The following MAS1 variants were observed in gnomAD, a reference collection of about 807,000 sequenced individuals.
The protein encoded by MAS1 is proto-oncogene Mas.
For synonymous variants in MAS1, 163 were observed against 164.2 expected (o/e 0.99, Z 0.05); for missense variants, 387 against 409.7 (o/e 0.94, Z 0.48).
chr6:159,905,925 C>T (rs1249508086), intron 2 of MAS1, among the ~76,000 whole-genome samples: 2 of 151,970 alleles, frequency 1.3e-5, no homozygotes, highest in African/African-American at 4.8e-5. Flanking sequence ...GCCTGTAGTC[C>T]CAGCTACTCA....
At chr6:159,898,373 C>T (rs533858916) in intron 1 of MAS1, among the ~76,000 whole-genome samples, 24 of 152,208 alleles carry the variant, frequency 1.6e-4, no homozygotes, top group South Asian at 4.1e-4. Context: ...AGATCAGGCA[C>T]GCTGGGCCAC....
chr6:159,892,388 C>G (rs1029331456), intron 1 of MAS1, among the ~76,000 whole-genome samples: 3 of 152,190 alleles, frequency 2.0e-5, no homozygotes, highest in Non-Finnish European at 4.4e-5. Context: ...ACAACAGGCG[C>G]TTTCAGATGG....
rs1169776263 is a variant in MAS1, at chr6:159,910,164, GGA to G, written c.*2234_*2235del. The G allele has an allele frequency of 6.6e-6, 1 of 152,246 alleles. No individual in the cohort carries two copies. The highest frequency in any genetic ancestry group is 1.9e-4 in the East Asian group (1 of 5,202). The allele number at this position is 152,246 out of a possible 1,614,324, so 9.4% of individuals were successfully genotyped here. ...TCCGAGAATTCCTTGGGGATGGGGA[GGA>G]GATTGTTTGGATAATGCCTGTCCTA... On this transcript the variant is annotated 3_prime_UTR_variant, in exon 3 of 3. Coordinates refer to ENST00000674077, the MANE Select transcript of MAS1 (RefSeq NM_002377.4).
At position 159,914,606 on chromosome 6, in the gene MAS1, T is replaced by C. The variant is rs915709176; in HGVS notation, c.*6673T>C. On this transcript the variant is annotated 3_prime_UTR_variant, in exon 3 of 3. Transcript: ENST00000674077. ...CGAGTATACCTAGGCTCGTGGAAAATGCAGCCAGGGATTTGGACCTCCCTG... is the reference window on the plus strand; with the variant it reads ...CGAGTATACCTAGGCTCGTGGAAAACGCAGCCAGGGATTTGGACCTCCCTG... The C allele has an allele frequency of 2.0e-5, 3 of 152,322 alleles. No homozygotes were observed. Among genetic ancestry groups the C allele is most frequent in the Admixed American group, 2.0e-4 (3 of 15,306 alleles). The allele number at this position is 152,322 out of a possible 1,614,324, so 9.4% of individuals were successfully genotyped here.
At chr6:159,897,858 A>G (rs777967047) in intron 1 of MAS1, among the ~76,000 whole-genome samples, 2 of 152,276 alleles carry the variant, frequency 1.3e-5, no homozygotes, top group East Asian at 3.8e-4. Flanking sequence ...CAGAGACCAC[A>G]TAGTGGCAAA....
chr6:159,907,948 G>T lies in MAS1; in HGVS notation c.*15G>T. The T allele has an allele frequency of 6.4e-7, 1 of 1,567,448 alleles. No homozygotes were observed. The highest frequency in any genetic ancestry group is 8.6e-7 in the Non-Finnish European group (1 of 1,157,372). ...CTGTCGTCTAAGAACTGTGAGGGAA[G>T]TTGTGGATAAAAATGGTGGAACACA... On this transcript the variant is annotated 3_prime_UTR_variant, in exon 3 of 3. Transcript: ENST00000674077.
rs1782901135 is a variant in MAS1, at chr6:159,907,256, C to A, written c.301C>A (p.His101Asn). ...TTTAGATTATGAGCTTTCTTCTGGC[C>A]ATTACTACACAATTGTCACATTATC... Reference protein sequence around the residue: ...YALDYELSSGHYYTIVTLSVT... With the variant: ...YALDYELSSGNYYTIVTLSVT... Residue 101 changes from histidine to asparagine, a missense_variant, in exon 3 of 3, where the codon CAT (histidine) becomes AAT (asparagine). His to Asn is a moderately conservative substitution (Grantham distance 68). Coordinates refer to ENST00000674077, the MANE Select transcript of MAS1 (RefSeq NM_002377.4). 1 of 1,614,166 alleles carries A rather than the reference C, an allele frequency of 6.2e-7. No individual in the cohort carries two copies. Among genetic ancestry groups the A allele is most frequent in the African/African-American group, 1.3e-5 (1 of 75,032 alleles).
chr6:159,894,687 A>G (rs1782735957), intron 1 of MAS1, among the ~76,000 whole-genome samples: 1 of 152,182 alleles, frequency 6.6e-6, no homozygotes, highest in Non-Finnish European at 1.5e-5. Context: ...CTTGGCTGAG[A>G]GCGCTGCGCT....
intron 1 of MAS1, among the ~76,000 whole-genome samples, chr6:159,893,022 A>G (rs367692099): frequency 2.0e-5 from 3 of 152,330 alleles, no homozygotes; most frequent in African/African-American, 4.8e-5. Flanking sequence ...CCGTAGGCAC[A>G]AGCAGAATAG....
rs971030455 is a variant in MAS1 at position 159,910,430 on chromosome 6, A to G, written c.*2497A>G. 1.3e-5 allele frequency: 2 copies of G among 152,216 alleles called. No homozygotes were observed. The highest frequency in any genetic ancestry group is 4.1e-4 in the South Asian group (2 of 4,832). 9.4% of individuals were successfully genotyped at this position (152,216 alleles called of 1,614,324 possible). On this transcript the variant is annotated 3_prime_UTR_variant, in exon 3 of 3. Coordinates refer to ENST00000674077, the MANE Select transcript of MAS1 (RefSeq NM_002377.4). ...AGCAGGGGCTCTTCCTGCCACCCCCATATTGCATGCAGCCTCTTCTGTTCC... is the reference window on the plus strand; with the variant it reads ...AGCAGGGGCTCTTCCTGCCACCCCCGTATTGCATGCAGCCTCTTCTGTTCC...
At chr6:159,894,714 C>A (rs1206949836) in intron 1 of MAS1, among the ~76,000 whole-genome samples, 1 of 152,176 alleles carries the variant, frequency 6.6e-6, no homozygotes, top group African/African-American at 2.4e-5. Context: ...TGCACTGGCT[C>A]CTTTCTCTTA....
At position 159,908,508 on chromosome 6, in the gene MAS1, A is replaced by AACACACACAC. The variant is rs1782925469; in HGVS notation, c.*575_*576insACACACACAC. 1 of 46,250 alleles carries AACACACACAC rather than the reference A, an allele frequency of 2.2e-5. No individual in the cohort carries two copies. Among genetic ancestry groups the AACACACACAC allele is most frequent in the African/African-American group, 1.1e-4 (1 of 9,512 alleles). 2.9% of individuals were successfully genotyped at this position (46,250 alleles called of 1,614,324 possible). On this transcript the variant is annotated 3_prime_UTR_variant, in exon 3 of 3. Transcript: ENST00000674077. ...CAAGATATAAATTTTTGTTTTGTAA[A>AACACACACAC]GCACACACACACACACACACACACA...
At position 159,909,472 on chromosome 6, in the gene MAS1, A is replaced by T. The variant is rs1782940900; in HGVS notation, c.*1539A>T. ...GTCTGTCCCCTCGAGCAAGGACCCC[A>T]CTGCCAGCCAAGCTTGGATGCAGGA... On this transcript the variant is annotated 3_prime_UTR_variant, in exon 3 of 3. Coordinates refer to ENST00000674077, the MANE Select transcript of MAS1 (RefSeq NM_002377.4). 1 of 152,186 alleles carries T rather than the reference A, an allele frequency of 6.6e-6. No homozygotes were observed. The highest frequency in any genetic ancestry group is 6.5e-5 in the Admixed American group (1 of 15,270). 9.4% of individuals were successfully genotyped at this position (152,186 alleles called of 1,614,324 possible). A position where few individuals can be genotyped will look rare whatever the true frequency, so the allele number is the denominator to read the frequency against.
At position 159,896,796 on chromosome 6, in the gene MAS1, A is replaced by G. The variant is rs886485603; in HGVS notation, c.-243-2390A>G. 5.3e-5 allele frequency among the ~76,000 whole-genome samples: 8 copies of G among 152,332 alleles called. No individual in the cohort carries two copies. In the South Asian group the frequency reaches 1.5e-3, roughly 28 times the overall value. On this transcript the variant is annotated intron_variant, in intron 1 of 2. Coordinates refer to ENST00000674077, the MANE Select transcript of MAS1 (RefSeq NM_002377.4). ...GAGTTTAATTCATACAGAGCCAGCTAAACTAGAGACCAGAGTTTTACCACT... is the reference window on the plus strand; with the variant it reads ...GAGTTTAATTCATACAGAGCCAGCTGAACTAGAGACCAGAGTTTTACCACT...
intron 2 of MAS1, among the ~76,000 whole-genome samples, chr6:159,903,169 G>T (rs1350693569): frequency 6.6e-6 from 1 of 152,044 alleles, no homozygotes; most frequent in Non-Finnish European, 1.5e-5. Flanking sequence ...CCGATATGTA[G>T]CTCCTATTTC....
intron 2 of MAS1, among the ~76,000 whole-genome samples, chr6:159,902,775 C>T (rs1255528636): frequency 6.6e-6 from 1 of 152,162 alleles, no homozygotes; most frequent in Non-Finnish European, 1.5e-5. Flanking sequence ...CACTGTATCG[C>T]CTCCCACCCT....
In MAS1 at chr6:159,908,753, T is replaced by C. The variant is rs948191070; in HGVS notation, c.*820T>C. On this transcript the variant is annotated 3_prime_UTR_variant, in exon 3 of 3. Coordinates refer to ENST00000674077, the MANE Select transcript of MAS1 (RefSeq NM_002377.4). Reference sequence around the variant, plus strand: ...ATTTGGCCACCAGTAGAGGAGTTTCTCATGGCTCCCCTTCCCTCTGTGGGA... The same window carrying C: ...ATTTGGCCACCAGTAGAGGAGTTTCCCATGGCTCCCCTTCCCTCTGTGGGA... 5.9e-5 allele frequency: 9 copies of C among 152,110 alleles called. No individual in the cohort carries two copies. The highest frequency in any genetic ancestry group is 2.2e-4 in the African/African-American group (9 of 41,420). 9.4% of individuals were successfully genotyped at this position (152,110 alleles called of 1,614,324 possible). A position where few individuals can be genotyped will look rare whatever the true frequency, so the allele number is the denominator to read the frequency against.
chr6:159,905,390 G>A (rs1315433210), intron 2 of MAS1, among the ~76,000 whole-genome samples: 1 of 152,228 alleles, frequency 6.6e-6, no homozygotes, highest in African/African-American at 2.4e-5. Flanking sequence ...TGAAGTAAAA[G>A]GAAGCTCTCC....
In MAS1 at chr6:159,917,262, G is replaced by T. The variant is rs1783038706; in HGVS notation, c.*9329G>T. The stretch of plus-strand genomic sequence containing the variant: ...TGTAAAGTGGAGAAATTCTGTTTTG[G>T]ATTAATCACAAGGAGATTTAAAAAA... On this transcript the variant is annotated 3_prime_UTR_variant, in exon 3 of 3. Transcript: ENST00000674077. Among the ~76,000 whole-genome samples, 1 of 152,136 alleles carries T rather than the reference G, an allele frequency of 6.6e-6. No homozygotes were observed. Among genetic ancestry groups the T allele is most frequent in the Admixed American group, 6.5e-5 (1 of 15,290 alleles).
Sources: allele counts gnomAD v4.1 joint callset (sites outside exome capture counted in the v4.1 genomes callset), GRCh38; gene constraint gnomAD v4.1.1; transcripts MANE v1.5; gene names NCBI Gene and HGNC (gene_info 2026-07-23, HGNC 2026-07-21).